Variants in PCDH9 observed in about 807,000 individuals in gnomAD.
The protein encoded by PCDH9 is protocadherin 9.
Under a neutral mutation model 70.6 loss-of-function variants are expected in PCDH9, and 24 were observed. The ratio of observed to expected loss-of-function variants is 0.34; its 90% CI spans 0.25 to 0.48. The LOEUF is 0.48. Ranked by LOEUF, PCDH9 falls within the 20% of genes least tolerant of loss-of-function variation. The pLI, the probability that PCDH9 is intolerant of heterozygous loss-of-function variation, is 0.99. For synonymous variants in PCDH9, 562 were observed against 558.5 expected (o/e 1.01, Z -0.09); for missense variants, 1,281 against 1,503.6 (o/e 0.85, Z 2.45).
chr13:67,141,685 C>T (rs192000858), intron 2 of PCDH9, among the ~76,000 whole-genome samples: 1 of 151,586 alleles, frequency 6.6e-6, no homozygotes. Context: ...GTGATCCACC[C>T]GCCTCGGCCT....
chr13:67,070,854 T>C (rs531754203), intron 2 of PCDH9, among the ~76,000 whole-genome samples: 1 of 152,266 alleles, frequency 6.6e-6, no homozygotes, highest in South Asian at 2.1e-4. Context: ...AGTTTATATT[T>C]AGGCAATATG....
At chr13:67,140,050 T>A (rs1452262399) in intron 2 of PCDH9, among the ~76,000 whole-genome samples, 1 of 93,528 alleles carries the variant, frequency 1.1e-5, no homozygotes, top group Non-Finnish European at 2.0e-5. Flanking sequence ...CCCATTGTGT[T>A]ATTTTTTAAA....
chr13:66,970,036 TATAA>T (rs201721709), intron 2 of PCDH9, among the ~76,000 whole-genome samples: 3,001 of 152,100 alleles, frequency 0.02, 39 homozygotes, highest in Non-Finnish European at 0.03. Context: ...TTAATGCAAT[TATAA>T]ATACACTCTG....
At chr13:67,203,742 A>C (rs1445073233) in intron 2 of PCDH9, 2 of 152,116 alleles carry the variant, frequency 1.3e-5, no homozygotes, top group Non-Finnish European at 2.9e-5. Flanking sequence ...AACTCCTATC[A>C]CAAATTATGT....
intron 2 of PCDH9, among the ~76,000 whole-genome samples, chr13:67,084,427 CTT>C (rs1187332923): frequency 1.3e-5 from 2 of 152,174 alleles, no homozygotes; most frequent in African/African-American, 4.8e-5. Context: ...ATCAGAAACT[CTT>C]TGAATCTACC....
chr13:66,412,952 C>T (rs1957396168), intron 4 of PCDH9, among the ~76,000 whole-genome samples: 1 of 152,170 alleles, frequency 6.6e-6, no homozygotes, highest in Non-Finnish European at 1.5e-5. Flanking sequence ...ATTTGCCGCT[C>T]CTATATATGA....
intron 2 of PCDH9, among the ~76,000 whole-genome samples, chr13:67,088,649 T>A (rs973674122): frequency 3.3e-5 from 5 of 152,028 alleles, no homozygotes; most frequent in Non-Finnish European, 5.9e-5. Context: ...GCAAATAGTA[T>A]AATAATTATA....
intron 4 of PCDH9, among the ~76,000 whole-genome samples, chr13:66,555,121 AACAC>A (rs1961671196): frequency 1.4e-5 from 2 of 142,030 alleles, no homozygotes; most frequent in African/African-American, 2.5e-5. Flanking sequence ...GTGTGCCAAG[AACAC>A]GCCATTGCAC....
intron 2 of PCDH9, among the ~76,000 whole-genome samples, chr13:66,964,366 G>T (rs2083398097): frequency 6.6e-6 from 1 of 151,486 alleles, no homozygotes; most frequent in African/African-American, 2.4e-5. Flanking sequence ...ATCCATTAGG[G>T]AAATGAATTG....
chr13:66,916,400 C>T (rs965296934), intron 2 of PCDH9, among the ~76,000 whole-genome samples: 3 of 151,482 alleles, frequency 2.0e-5, no homozygotes, highest in African/African-American at 7.3e-5. Context: ...ACACTTTAAA[C>T]CAAATCTGAA....
chr13:67,059,409 A>T (rs1037679879), intron 2 of PCDH9, among the ~76,000 whole-genome samples: 1 of 147,292 alleles, frequency 6.8e-6, no homozygotes, highest in Non-Finnish European at 1.5e-5. Flanking sequence ...TAGTGTATAT[A>T]TATGGTATAT....
intron 4 of PCDH9, among the ~76,000 whole-genome samples, chr13:66,445,404 A>C (rs944080417): frequency 6.8e-6 from 1 of 146,762 alleles, no homozygotes; most frequent in African/African-American, 2.5e-5. Flanking sequence ...GCTGTTCTAT[A>C]TTTATCTACC....
chr13:66,618,119 C>A (rs1245299778), intron 4 of PCDH9, among the ~76,000 whole-genome samples: 1 of 152,176 alleles, frequency 6.6e-6, no homozygotes, highest in African/African-American at 2.4e-5. Context: ...CTACTCTGGC[C>A]TAGTGAGAGT....
intron 3 of PCDH9, among the ~76,000 whole-genome samples, chr13:66,652,261 G>C (rs1051332450): frequency 1.3e-5 from 2 of 152,012 alleles, no homozygotes; most frequent in African/African-American, 4.8e-5. Flanking sequence ...AAAATGATTA[G>C]AACTGATAAA....
At chr13:66,378,214 T>G (rs1956784364) in intron 4 of PCDH9, among the ~76,000 whole-genome samples, 2 of 152,212 alleles carry the variant, frequency 1.3e-5, no homozygotes, top group African/African-American at 4.8e-5. Flanking sequence ...TCACATGAAC[T>G]GTGCTGGAAT....
rs1272772971 is a variant in PCDH9, at chr13:67,152,679, C to A, written c.3036+72726G>T. Among the ~76,000 whole-genome samples the A allele has an allele frequency of 2.0e-5, 3 of 152,168 alleles. 1 individual carries two copies. Among genetic ancestry groups the A allele is most frequent in the East Asian group, 1.9e-4 (1 of 5,160 alleles). On this transcript the variant is annotated intron_variant, in intron 2 of 4. Transcript: ENST00000377865. The stretch of plus-strand genomic sequence containing the variant: ...TCCTTATATTCTTTAAACAAAATAG[C>A]CCCCACTTTTTTTTCCAAGTGAGGG...
intron 4 of PCDH9, among the ~76,000 whole-genome samples, chr13:66,565,877 G>C (rs1237124741): frequency 2.0e-5 from 3 of 152,142 alleles, no homozygotes; most frequent in Non-Finnish European, 4.4e-5. Flanking sequence ...AAAAAACAAA[G>C]CTGCTTGGGA....
At chr13:67,023,609 G>C (rs1198550892) in intron 2 of PCDH9, among the ~76,000 whole-genome samples, 1 of 152,134 alleles carries the variant, frequency 6.6e-6, no homozygotes, top group Non-Finnish European at 1.5e-5. Context: ...TTGTATCAAA[G>C]ACTGGACAAA....
chr13:66,585,398 G>C (rs1481422921), intron 4 of PCDH9, among the ~76,000 whole-genome samples: 1 of 151,864 alleles, frequency 6.6e-6, no homozygotes, highest in Non-Finnish European at 1.5e-5. Context: ...TAATGTAAAG[G>C]TATATCTCCC....
Sources: allele counts gnomAD v4.1 joint callset (sites outside exome capture counted in the v4.1 genomes callset), GRCh38; gene constraint gnomAD v4.1.1; transcripts MANE v1.5; gene names NCBI Gene and HGNC (gene_info 2026-07-23, HGNC 2026-07-21).